The following SCD5 variants were observed in gnomAD, a reference collection of about 807,000 sequenced individuals.
SCD5 encodes stearoyl-CoA desaturase 5, also known as acyl-CoA-desaturase 4.
SCD5 carries 20 observed loss-of-function variants against 30.4 expected under a neutral mutation model. That is an observed-to-expected ratio of 0.66 (90% confidence interval 0.46 to 0.96). The LOEUF is 0.96. SCD5 is among the 40% of genes least tolerant of loss of function. The pLI is 0.00. For synonymous variants in SCD5, 173 were observed against 176.4 expected, an observed-to-expected ratio of 0.98 and a Z score of 0.16; for missense variants, 381 against 443.3, an observed-to-expected ratio of 0.86 and a Z score of 1.26.
intron 1 of SCD5, among the ~76,000 whole-genome samples, chr4:82,741,887 T>G: frequency 6.6e-6 from 1 of 150,942 alleles, no homozygotes; most frequent in Non-Finnish European, 1.5e-5. Flanking sequence ...GTGAAGAGCT[T>G]TTGTTGGGGG....
intron 1 of SCD5, among the ~76,000 whole-genome samples, chr4:82,737,059 T>G (rs1254203277): frequency 1.3e-5 from 2 of 152,204 alleles, no homozygotes; most frequent in Non-Finnish European, 2.9e-5. Context: ...AAACATATAC[T>G]AGCTCAAAGG....
At chr4:82,670,226 A>G (rs1728280064) in intron 3 of SCD5, among the ~76,000 whole-genome samples, 1 of 152,228 alleles carries the variant, frequency 6.6e-6, no homozygotes, top group African/African-American at 2.4e-5. Context: ...AGGAATTTAA[A>G]ATAACTATGA....
intron 1 of SCD5, among the ~76,000 whole-genome samples, chr4:82,797,989 G>T (rs1335747190): frequency 3.3e-5 from 5 of 150,176 alleles, no homozygotes; most frequent in African/African-American, 1.2e-4. Context: ...GCGCCTCTGC[G>T]CACAGCGGTG....
At chr4:82,656,614 C>A (rs1364937100) in intron 3 of SCD5, among the ~76,000 whole-genome samples, 1 of 152,024 alleles carries the variant, frequency 6.6e-6, no homozygotes, top group Admixed American at 6.5e-5. Flanking sequence ...GGGCATATAC[C>A]CTGTAATGGG....
chr4:82,691,006 GTT>G (rs968280026), intron 2 of SCD5, among the ~76,000 whole-genome samples: 1 of 53,958 alleles, frequency 1.9e-5, no homozygotes, highest in African/African-American at 7.2e-5. Context: ...AAGACCATTT[GTT>G]TTTTTGTTTG....
intron 3 of SCD5, among the ~76,000 whole-genome samples, chr4:82,679,724 C>T (rs924922772): frequency 1.3e-5 from 2 of 152,142 alleles, no homozygotes; most frequent in African/African-American, 4.8e-5. Context: ...CTCTACTGCT[C>T]CCCTCAGCGT....
chr4:82,798,332 T>C lies in SCD5; in HGVS notation c.206A>G (p.Lys69Arg). ...CCAGAGCAGAGTGAGTGGCTTGGCT[T>C]TGGGGATGAGCACCAGGGAGTACAC... ...GAVYSLVLIP[K>R]AKPLTLLWAY... Residue 69 changes from lysine (K) to arginine (R), a missense_variant, in exon 1 of 5, where the codon AAA becomes AGA. By Grantham distance (26) the Lys-to-Arg change is conservative (BLOSUM62 2). Transcript: ENST00000319540. 1 of 1,611,570 alleles carries C rather than the reference T, an allele frequency of 6.2e-7. No individual in the cohort carries two copies. Among genetic ancestry groups the C allele is most frequent in the South Asian group, 1.1e-5 (1 of 90,644 alleles).
chr4:82,767,828 A>G (rs2148847569), intron 1 of SCD5, among the ~76,000 whole-genome samples: 1 of 152,344 alleles, frequency 6.6e-6, no homozygotes, highest in East Asian at 1.9e-4. Flanking sequence ...ACATCACAAG[A>G]TAATAATGAC....
Position 82,646,030 on chromosome 4 carries a change from G to C in SCD5, c.570-9207C>G, listed in dbSNP as rs148499094. The stretch of plus-strand genomic sequence containing the variant: ...GAGTGAAATCTATTAGAGCATGAAG[G>C]GGGGGAAATGACCTGCCGACTTCCA... On this transcript the variant is annotated intron_variant, in intron 3 of 4. Transcript: ENST00000319540. 9.7e-3 allele frequency among the ~76,000 whole-genome samples: 1,482 copies of C among 152,252 alleles called. 13 individuals carry two copies. The highest frequency in any genetic ancestry group is 0.016 in the Non-Finnish European group (1,076 of 68,016).
chr4:82,724,406 C>T (rs1720429911), intron 1 of SCD5, among the ~76,000 whole-genome samples: 1 of 152,118 alleles, frequency 6.6e-6, no homozygotes, highest in Non-Finnish European at 1.5e-5. Context: ...TGCTGGAGCC[C>T]AGGAGTTTGA....
chr4:82,695,389 T>A (rs988776261), intron 2 of SCD5, among the ~76,000 whole-genome samples: 6 of 152,158 alleles, frequency 3.9e-5, no homozygotes, highest in Non-Finnish European at 5.9e-5. Context: ...AAAAAGTTGA[T>A]CTTGAACTAA....
At position 82,729,480 on chromosome 4, in the gene SCD5, C is replaced by T. The variant is rs182870487; in HGVS notation, c.233-24067G>A. On this transcript the variant is annotated intron_variant, in intron 1 of 4. Coordinates refer to ENST00000319540, the MANE Select transcript of SCD5 (RefSeq NM_001037582.3). ...ACTCAGCTCTGGATTTCACCCTCCCCCCGGCATCTCCCAGCACACAGCTCT... is the reference window on the plus strand; with the variant it reads ...ACTCAGCTCTGGATTTCACCCTCCCTCCGGCATCTCCCAGCACACAGCTCT... Among the ~76,000 whole-genome samples, 171 of 152,210 alleles carry T rather than the reference C, an allele frequency of 1.1e-3. 3 individuals carry two copies. In the Middle Eastern group the frequency reaches 0.024, roughly 21 times the overall value.
intron 3 of SCD5, among the ~76,000 whole-genome samples, chr4:82,679,468 G>C (rs1328502867): frequency 6.6e-6 from 1 of 152,160 alleles, no homozygotes; most frequent in Non-Finnish European, 1.5e-5. Context: ...GAATTCTCTA[G>C]TCTATCAACT....
intron 1 of SCD5, among the ~76,000 whole-genome samples, chr4:82,751,547 T>C (rs1008634629): frequency 6.6e-6 from 1 of 152,250 alleles, no homozygotes; most frequent in African/African-American, 2.4e-5. Context: ...CTATATATGC[T>C]GTTTTAAAGT....
intron 3 of SCD5, among the ~76,000 whole-genome samples, chr4:82,664,048 C>A (rs553912177): frequency 4.4e-4 from 67 of 152,296 alleles, no homozygotes; most frequent in African/African-American, 1.5e-3. Context: ...CACAGAGACA[C>A]AAACAACAGA....
chr4:82,743,536 T>A (rs200360853), intron 1 of SCD5, among the ~76,000 whole-genome samples: 148 of 151,978 alleles, frequency 9.7e-4, no homozygotes, highest in South Asian at 4.8e-3. Context: ...ATATATATAT[T>A]TTTTAATTTT....
intron 2 of SCD5, among the ~76,000 whole-genome samples, chr4:82,684,880 T>C (rs921625305): frequency 6.6e-6 from 1 of 152,218 alleles, no homozygotes; most frequent in Non-Finnish European, 1.5e-5. Flanking sequence ...ATGCCCATCA[T>C]GAACTGACTG....
At chr4:82,756,394 G>C (rs1289360611) in intron 1 of SCD5, among the ~76,000 whole-genome samples, 1 of 152,184 alleles carries the variant, frequency 6.6e-6, no homozygotes, top group African/African-American at 2.4e-5. Context: ...ATTCAGCCAA[G>C]TCACTTAGCC....
intron 1 of SCD5, among the ~76,000 whole-genome samples, chr4:82,722,633 G>C (rs1296894095): frequency 6.9e-6 from 1 of 144,514 alleles, no homozygotes; most frequent in Non-Finnish European, 1.5e-5. Context: ...AGGTGTGGTG[G>C]CAGGTGCCTC....
Sources: gnomAD v4.1 joint callset for allele counts (sites outside exome capture counted in the v4.1 genomes callset) on GRCh38, gnomAD v4.1.1 for gene constraint, MANE v1.5 for transcripts, NCBI Gene and HGNC (gene_info 2026-07-23, HGNC 2026-07-21) for gene names.